SLC25A26: variants seen among roughly 807,000 people sequenced by gnomAD.
SLC25A26 encodes the protein mitochondrial S-adenosylmethionine carrier protein.
In SLC25A26, 36 loss-of-function variants were observed where a neutral mutation model predicts 37.8. The ratio of observed to expected loss-of-function variants is 0.95; its 90% confidence interval spans 0.73 to 1.26. The LOEUF (loss-of-function observed/expected upper bound fraction) is 1.26. SLC25A26 is among the 50% of genes most tolerant of loss of function. SLC25A26 has a pLI of 0.00. For synonymous variants in SLC25A26, 129 were observed against 122.5 expected (o/e 1.05, Z -0.35); for missense variants, 390 against 331.1 (o/e 1.18, Z -1.38).
upstream of SLC25A26, among the ~76,000 whole-genome samples, chr3:66,217,484 T>C (rs978770200): frequency 1.1e-4 from 17 of 152,214 alleles, no homozygotes; most frequent in Non-Finnish European, 1.9e-4. Context: ...GCATATATTA[T>C]TTATTCCTCA....
intron 1 of SLC25A26, among the ~76,000 whole-genome samples, chr3:66,201,730 C>G (rs1331822515): frequency 6.6e-6 from 1 of 152,116 alleles, no homozygotes; most frequent in Non-Finnish European, 1.5e-5. Flanking sequence ...CTGCATGTTG[C>G]ATATAAGGAA....
chr3:66,254,710 T>C (rs2073232764), intron 3 of SLC25A26, among the ~76,000 whole-genome samples: 1 of 152,268 alleles, frequency 6.6e-6, no homozygotes, highest in African/African-American at 2.4e-5. Context: ...GCTAAGTAGC[T>C]CTCTGACCTT....
chr3:66,136,793 C>T (rs564365595), intron 1 of SLC25A26, among the ~76,000 whole-genome samples: 3 of 152,264 alleles, frequency 2.0e-5, no homozygotes, highest in Admixed American at 2.0e-4. Context: ...CAAAGCTTTT[C>T]CCTTTCAGGA....
intron 1 of SLC25A26, among the ~76,000 whole-genome samples, chr3:66,200,162 A>G (rs946401605): frequency 2.0e-5 from 3 of 152,330 alleles, no homozygotes; most frequent in African/African-American, 7.2e-5. Context: ...TACTTTGGCA[A>G]ATTATCCCTA....
intron 9 of SLC25A26, 50 bp downstream of exon 9, chr3:66,370,652 TCCTTTAG>T: frequency 2.0e-6 from 3 of 1,465,068 alleles, no homozygotes; most frequent in Non-Finnish European, 1.9e-6. Flanking sequence ...CCACTCCTCC[TCCTTTAG>T]CCTAACTTTG....
chr3:66,180,286 G>T (rs2070676026), intron 1 of SLC25A26, among the ~76,000 whole-genome samples: 1 of 152,158 alleles, frequency 6.6e-6, no homozygotes, highest in African/African-American at 2.4e-5. Context: ...TTTGCATGCT[G>T]CAAATCTTTC....
In SLC25A26 at chr3:66,334,835, G is replaced by C. The variant is rs1360737841; in HGVS notation, c.454-11529G>C. Reference sequence around the variant, plus strand: ...AAATACACGTGTGATGTATGCCACCGAGATTTGAGGGTTGTGTTGTTACTG... The same window carrying C: ...AAATACACGTGTGATGTATGCCACCCAGATTTGAGGGTTGTGTTGTTACTG... On this transcript the variant is annotated intron_variant, in intron 5 of 9. Transcript: ENST00000354883. Among the ~76,000 whole-genome samples the C allele has an allele frequency of 4.6e-5, 7 of 152,174 alleles. No homozygotes were observed. The East Asian group carries it at 5.8e-4, about 13-fold the overall frequency.
chr3:66,285,158 T>A (rs918980149), intron 5 of SLC25A26, among the ~76,000 whole-genome samples: 1 of 152,206 alleles, frequency 6.6e-6, no homozygotes, highest in African/African-American at 2.4e-5. Context: ...ATGAATTATA[T>A]GCATTTTTCA....
In SLC25A26 at chr3:66,195,081, C is replaced by T. The variant is rs1455644914; in HGVS notation, c.-353-25661C>T. Among the ~76,000 whole-genome samples the T allele has an allele frequency of 2.6e-5, 4 of 152,200 alleles. No homozygotes were observed. In the South Asian group the frequency reaches 8.3e-4, roughly 31 times the overall value. On this transcript the variant is annotated intron_variant, in intron 1 of 10. Transcript: ENST00000676754. The stretch of plus-strand genomic sequence containing the variant: ...TCACGGATTTCAAGTTTAATGCACC[C>T]GGAATCCTGCAATTTAGTTCTTTTG...
In SLC25A26 at chr3:66,263,221, A is replaced by G. The variant is rs138798978; in HGVS notation, c.406-111A>G. 6.3e-4 allele frequency: 473 copies of G among 747,082 alleles called. 1 individual carries two copies. In the East Asian group the frequency reaches 0.012, roughly 18 times the overall value. 46.3% of individuals were successfully genotyped at this position (747,082 alleles called of 1,614,324 possible). A position where few individuals can be genotyped will look rare whatever the true frequency, so the allele number is the denominator to read the frequency against. ...ATTAACCTCTTAGAGAAGTGTGGCA[A>G]TTGTGAATGTTCTAGAACTCAAACA... is the stretch of plus-strand genomic sequence containing the variant. On this transcript the variant is annotated intron_variant, in intron 4 of 9. Transcript: ENST00000354883.
At chr3:66,350,393 C>T (rs567251629) in intron 6 of SLC25A26, among the ~76,000 whole-genome samples, 4 of 152,154 alleles carry the variant, frequency 2.6e-5, no homozygotes, top group South Asian at 2.1e-4. Flanking sequence ...AATTTGATTC[C>T]CTTCTTGCTC....
chr3:66,340,775 A>G (rs985160937), intron 5 of SLC25A26, among the ~76,000 whole-genome samples: 4 of 152,076 alleles, frequency 2.6e-5, no homozygotes, highest in African/African-American at 9.7e-5. Flanking sequence ...AATATTGTCA[A>G]TACTCCACCT....
intron 1 of SLC25A26, among the ~76,000 whole-genome samples, chr3:66,211,118 A>G (rs2071279285): frequency 6.6e-6 from 1 of 152,226 alleles, no homozygotes; most frequent in Non-Finnish European, 1.5e-5. Flanking sequence ...GAGAAATGAC[A>G]AAACAAATGT....
intron 1 of SLC25A26, among the ~76,000 whole-genome samples, chr3:66,235,054 C>T (rs1376456972): frequency 6.6e-6 from 1 of 152,088 alleles, no homozygotes; most frequent in East Asian, 1.9e-4. Context: ...CGTATCAGAA[C>T]AAACGTTATG....
At chr3:66,270,397 A>C (rs973721241) in intron 5 of SLC25A26, among the ~76,000 whole-genome samples, 18 of 152,204 alleles carry the variant, frequency 1.2e-4, no homozygotes, top group African/African-American at 3.6e-4. Context: ...TTTTAATCCT[A>C]CATAATTCAT....
At chr3:66,244,845 T>C (rs1269054924) in intron 3 of SLC25A26, among the ~76,000 whole-genome samples, 2 of 149,862 alleles carry the variant, frequency 1.3e-5, no homozygotes, top group Non-Finnish European at 1.5e-5. Context: ...GGTGTGGTGG[T>C]GGGTGCCTGT....
At chr3:66,240,186 G>A (rs782706073) in intron 2 of SLC25A26, among the ~76,000 whole-genome samples, 1 of 152,168 alleles carries the variant, frequency 6.6e-6, no homozygotes, top group Non-Finnish European at 1.5e-5. Context: ...TGGATACTCC[G>A]CAACACCTGA....
rs371925276 is a variant in SLC25A26 at position 66,362,835 on chromosome 3, T to A, written c.499-25T>A. The A allele has an allele frequency of 2.6e-6, 4 of 1,516,666 alleles. No individual in the cohort carries two copies. In the Admixed American group the frequency reaches 8.2e-5, roughly 31 times the overall value. 94.0% of individuals were successfully genotyped at this position (1,516,666 alleles called of 1,614,324 possible). A position where few individuals can be genotyped will look rare whatever the true frequency, so the allele number is the denominator to read the frequency against. On this transcript the variant is annotated intron_variant, in intron 6 of 9. Coordinates refer to ENST00000354883, the MANE Select transcript of SLC25A26 (RefSeq NM_001379210.1). Reference sequence around the variant, plus strand: ...ATAAATTCAAATATTTAATAACTTGTATTTTTCTTTCTCCTTAAACACAGG... The same window carrying A: ...ATAAATTCAAATATTTAATAACTTGAATTTTTCTTTCTCCTTAAACACAGG...
At chr3:66,295,328 A>G (rs538809371) in intron 5 of SLC25A26, among the ~76,000 whole-genome samples, 4 of 151,716 alleles carry the variant, frequency 2.6e-5, no homozygotes, top group African/African-American at 7.3e-5. Context: ...GGTTCAAGCA[A>G]TTCTCCTGCC....
Sources: allele counts gnomAD v4.1 joint callset (sites outside exome capture counted in the v4.1 genomes callset), GRCh38; gene constraint gnomAD v4.1.1; transcripts MANE v1.5; gene names NCBI Gene and HGNC (gene_info 2026-07-23, HGNC 2026-07-21).